Variants in MRAS observed in about 807,000 individuals in gnomAD.
MRAS encodes the protein muscle RAS oncogene homolog.
A neutral mutation model predicts 20.9 loss-of-function variants in MRAS; 4 were observed. The ratio of observed to expected loss-of-function variants is 0.19; its 90% CI spans 0.09 to 0.44. The LOEUF is 0.44. Ranked by LOEUF, MRAS falls within the 20% of genes least tolerant of loss-of-function variation. The probability of loss-of-function intolerance (pLI) is 0.99; values close to 1 mark genes in which losing one functional copy is unlikely to be tolerated. For missense variants in MRAS, 154 were observed against 277.5 expected (o/e 0.56, Z 3.16); for synonymous variants, 98 against 102.9 (o/e 0.95, Z 0.29).
intron 1 of MRAS, among the ~76,000 whole-genome samples, chr3:138,358,540 C>T (rs1361104573): frequency 6.6e-6 from 1 of 152,178 alleles, no homozygotes; most frequent in African/African-American, 2.4e-5. Flanking sequence ...CCTGTTAGAA[C>T]ATTTTGTAAC....
intron 1 of MRAS, among the ~76,000 whole-genome samples, chr3:138,361,934 ACT>A (rs2054456994): frequency 6.6e-6 from 1 of 151,778 alleles, no homozygotes; most frequent in East Asian, 1.9e-4. Flanking sequence ...ACCACTTCCT[ACT>A]CTCTTTCCTC....
chr3:138,349,007 G>A (rs960203663), intron 1 of MRAS: 6 of 151,838 alleles, frequency 4.0e-5, no homozygotes, highest in South Asian at 2.1e-4. Context: ...GAGGGCCTGC[G>A]CGCCGCTCAG....
intron 2 of MRAS, among the ~76,000 whole-genome samples, chr3:138,389,194 G>C (rs1420448424): frequency 6.6e-6 from 1 of 152,080 alleles, no homozygotes; most frequent in African/African-American, 2.4e-5. Context: ...AAAGCTGGGG[G>C]CTGTTTTAAC....
chr3:138,362,506 G>A (rs1272541912), intron 1 of MRAS, among the ~76,000 whole-genome samples: 1 of 151,984 alleles, frequency 6.6e-6, no homozygotes, highest in African/African-American at 2.4e-5. Context: ...GGAGCACTTC[G>A]AGTTTGTCCT....
chr3:138,357,603 GC>G (rs1430585724), intron 1 of MRAS, among the ~76,000 whole-genome samples: 9 of 152,204 alleles, frequency 5.9e-5, no homozygotes, highest in Non-Finnish European at 1.3e-4. Flanking sequence ...TTTAAAAATT[GC>G]CCAAGTATTG....
intron 1 of MRAS, among the ~76,000 whole-genome samples, chr3:138,362,593 C>T (rs1049419816): frequency 1.6e-4 from 25 of 152,154 alleles, no homozygotes; most frequent in African/African-American, 6.0e-4. Context: ...GTTGCAGGGG[C>T]CCTGTTTGGT....
At chr3:138,396,013 C>T (rs899765622) in intron 2 of MRAS, among the ~76,000 whole-genome samples, 8 of 152,158 alleles carry the variant, frequency 5.3e-5, no homozygotes, top group Admixed American at 3.9e-4. Context: ...GAAGTGTTCC[C>T]GGAAGGGTTG....
intron 1 of MRAS, among the ~76,000 whole-genome samples, chr3:138,360,148 G>A (rs1320803509): frequency 2.0e-5 from 3 of 152,294 alleles, no homozygotes; most frequent in Middle Eastern, 3.4e-3. Context: ...CTGCCGGCAC[G>A]TGCACGTGAC....
intron 2 of MRAS, among the ~76,000 whole-genome samples, chr3:138,396,731 T>C (rs138516642): frequency 2.1e-4 from 32 of 152,152 alleles, no homozygotes; most frequent in African/African-American, 7.5e-4. Flanking sequence ...GCCCTGGCTG[T>C]GAGGGGCCGC....
At chr3:138,399,738 T>G (rs1266184124) in intron 4 of MRAS, among the ~76,000 whole-genome samples, 4 of 152,212 alleles carry the variant, frequency 2.6e-5, no homozygotes, top group Admixed American at 2.6e-4. Flanking sequence ...CCCACCCTGC[T>G]CCCCGCCTTT....
chr3:138,402,930 A>G lies in MRAS; in HGVS notation c.*661A>G, dbSNP rs529557660. 1 of 152,734 alleles carries G rather than the reference A, an allele frequency of 6.5e-6. No homozygotes were observed. The highest frequency in any genetic ancestry group is 2.1e-4 in the South Asian group (1 of 4,828). The allele number at this position is 152,734 out of a possible 1,614,324, so 9.5% of individuals were successfully genotyped here. ...AGCTGGAGGCCTCAGGCCATGGGTC[A>G]AACCTGGGAGGGAAAGAGACCCTAC... On this transcript the variant is annotated 3_prime_UTR_variant, in exon 6 of 6. Transcript: ENST00000423968.
At chr3:138,393,119 A>G (rs1247318417) in intron 2 of MRAS, among the ~76,000 whole-genome samples, 2 of 152,218 alleles carry the variant, frequency 1.3e-5, no homozygotes, top group Non-Finnish European at 2.9e-5. Context: ...GAACTTTAGT[A>G]CTTATTTTTT....
At chr3:138,396,821 TC>T (rs1274198757) in intron 2 of MRAS, among the ~76,000 whole-genome samples, 3 of 151,876 alleles carry the variant, frequency 2.0e-5, no homozygotes, top group Admixed American at 6.6e-5. Flanking sequence ...CTTCAGGGCT[TC>T]CCCCCAGGCA....
chr3:138,361,774 G>A (rs1189574497), intron 1 of MRAS, among the ~76,000 whole-genome samples: 1 of 152,150 alleles, frequency 6.6e-6, no homozygotes, highest in African/African-American at 2.4e-5. Context: ...TTCCCTGGTT[G>A]AGTGACCACC....
chr3:138,358,976 A>G (rs1054559195), intron 1 of MRAS, among the ~76,000 whole-genome samples: 1 of 152,032 alleles, frequency 6.6e-6, no homozygotes, highest in Non-Finnish European at 1.5e-5. Context: ...TTACACAGAG[A>G]GGTTTTTCAT....
At chr3:138,397,769 C>T (rs1462791880) in intron 3 of MRAS, among the ~76,000 whole-genome samples, 1 of 152,112 alleles carries the variant, frequency 6.6e-6, no homozygotes, top group African/African-American at 2.4e-5. Context: ...AACATGTGTT[C>T]CAAAGGCAAA....
intron 1 of MRAS, among the ~76,000 whole-genome samples, chr3:138,359,129 A>G (rs531927749): frequency 6.6e-6 from 1 of 152,190 alleles, no homozygotes; most frequent in Non-Finnish European, 1.5e-5. Context: ...CCTCGCAGGA[A>G]TGGAGCAGCA....
At position 138,368,980 on chromosome 3, in the gene MRAS, C is replaced by T. The variant is rs545457321; in HGVS notation, c.-18-3886C>T. On this transcript the variant is annotated intron_variant, in intron 1 of 5. Coordinates refer to ENST00000423968, the MANE Select transcript of MRAS (RefSeq NM_001085049.3). Reference sequence around the variant, plus strand: ...GGGTTCTCTGGACTCATTCTCCAGCCTTGGAAACCCCTTCTTTGTTTCTAG... The same window carrying T: ...GGGTTCTCTGGACTCATTCTCCAGCTTTGGAAACCCCTTCTTTGTTTCTAG... Among the ~76,000 whole-genome samples, 11 of 152,240 alleles carry T rather than the reference C, an allele frequency of 7.2e-5. No homozygotes were observed. The South Asian group carries it at 2.3e-3, about 32-fold the overall frequency.
At chr3:138,385,156 AT>A (rs34770279) in intron 2 of MRAS, among the ~76,000 whole-genome samples, 37,715 of 66,336 alleles carry the variant, frequency 0.57, 11,148 homozygotes, top group East Asian at 0.87. Flanking sequence ...TTGATTTGTA[AT>A]TTTTTTTTTT....
Sources: gnomAD v4.1 joint callset for allele counts (sites outside exome capture counted in the v4.1 genomes callset) on GRCh38, gnomAD v4.1.1 for gene constraint, MANE v1.5 for transcripts, NCBI Gene and HGNC (gene_info 2026-07-23, HGNC 2026-07-21) for gene names.